NALF1: variants seen among roughly 807,000 people sequenced by gnomAD.
NALF1 encodes family with sequence similarity 155 member A.
A neutral mutation model predicts 48.4 loss-of-function variants in NALF1; 3 were observed. That is an observed-to-expected ratio of 0.06 (90% CI 0.03 to 0.16). The LOEUF (loss-of-function observed/expected upper bound fraction) is 0.16. Among genes scored for constraint, NALF1 ranks in the 10% least tolerant of loss-of-function variants. NALF1 has a pLI of 1.00. For missense variants in NALF1, 526 were observed against 571.5 expected (o/e 0.92, Z 0.81); for synonymous variants, 262 against 245.7 (o/e 1.07, Z -0.62).
chr13:107,705,825 T>G (rs1881934076), intron 1 of NALF1, among the ~76,000 whole-genome samples: 1 of 152,182 alleles, frequency 6.6e-6, no homozygotes, highest in Non-Finnish European at 1.5e-5. Context: ...TGTGCACATT[T>G]GGGAGGTTTC....
chr13:107,707,869 A>T (rs4113422), intron 1 of NALF1, among the ~76,000 whole-genome samples: 1 of 151,670 alleles, frequency 6.6e-6, no homozygotes, highest in Admixed American at 6.6e-5. Context: ...CTGATACTCT[A>T]TATTTTCTGT....
chr13:107,443,214 A>ATCTATCTATCTATCTC (rs1429983797), intron 1 of NALF1, among the ~76,000 whole-genome samples: 3 of 149,716 alleles, frequency 2.0e-5, no homozygotes, highest in African/African-American at 7.6e-5. Context: ...CTATCTATCT[A>ATCTATCTATCTATCTC]TCTATCGATA....
intron 2 of NALF1, among the ~76,000 whole-genome samples, chr13:107,172,828 A>T (rs1225555867): frequency 6.6e-6 from 1 of 152,222 alleles, no homozygotes; most frequent in Non-Finnish European, 1.5e-5. Context: ...TTAGGTAAAT[A>T]AGAAGCTCTT....
intron 1 of NALF1, among the ~76,000 whole-genome samples, chr13:107,560,888 A>T (rs1877626616): frequency 6.6e-6 from 1 of 152,238 alleles, no homozygotes; most frequent in African/African-American, 2.4e-5. Context: ...AAGAATGCTA[A>T]GAAATTATTT....
rs1446544434 is a variant in NALF1, at chr13:107,169,632, A to C, written c.*865T>G. 1.3e-5 allele frequency: 2 copies of C among 152,340 alleles called. No individual in the cohort carries two copies. The highest frequency in any genetic ancestry group is 4.8e-5 in the African/African-American group (2 of 41,454). 9.4% of individuals were successfully genotyped at this position (152,340 alleles called of 1,614,324 possible). On this transcript the variant is annotated 3_prime_UTR_variant, in exon 3 of 3. Transcript: ENST00000375915. ...GAACTGGAGCAATACAGTTCATGAT[A>C]GTTTTTTTTAATTTTTTCCTTTTAT...
chr13:107,614,052 G>A (rs972613001), intron 1 of NALF1, among the ~76,000 whole-genome samples: 21 of 152,166 alleles, frequency 1.4e-4, no homozygotes, highest in Admixed American at 1.4e-3. Context: ...GTGTTCATCT[G>A]TAATATTTCT....
At position 107,301,756 on chromosome 13, in the gene NALF1, A is replaced by G. The variant is rs540437521; in HGVS notation, c.916-91001T>C. Among the ~76,000 whole-genome samples the G allele has an allele frequency of 2.6e-3, 394 of 152,264 alleles. 2 individuals are homozygous for G. The highest frequency in any genetic ancestry group is 9.2e-3 in the African/African-American group (383 of 41,550). ...CTATAATGGTCTATATTTGATATGT[A>G]TTATTCTCACATATTTTGGAAAGTA... On this transcript the variant is annotated intron_variant, in intron 1 of 2. Transcript: ENST00000375915.
intron 1 of NALF1, among the ~76,000 whole-genome samples, chr13:107,553,123 A>G (rs1877346231): frequency 6.6e-6 from 1 of 152,200 alleles, no homozygotes; most frequent in Admixed American, 6.5e-5. Flanking sequence ...AGATAAAAAA[A>G]GCTGAAATGG....
At chr13:107,188,511 T>C (rs1029374139) in intron 2 of NALF1, among the ~76,000 whole-genome samples, 11 of 152,284 alleles carry the variant, frequency 7.2e-5, no homozygotes, top group African/African-American at 2.4e-4. Context: ...ATTTTTATCA[T>C]ATCTTTTTAA....
chr13:107,500,279 AT>A lies in NALF1; in HGVS notation c.916-289525del, dbSNP rs199729645. ...ACTGGGTAACAAATAAAGAATAGAA[AT>A]TTTTTTTTAATAGTTCTGGAGGTCA... On this transcript the variant is annotated intron_variant, in intron 1 of 2. Coordinates refer to ENST00000375915, the MANE Select transcript of NALF1 (RefSeq NM_001080396.3). 1.4e-3 allele frequency among the ~76,000 whole-genome samples: 220 copies of A among 151,952 alleles called. 1 individual carries two copies. Among genetic ancestry groups the A allele is most frequent in the Admixed American group, 6.1e-3 (93 of 15,232 alleles).
At chr13:107,655,513 C>T (rs1880553752) in intron 1 of NALF1, among the ~76,000 whole-genome samples, 1 of 151,990 alleles carries the variant, frequency 6.6e-6, no homozygotes, top group Admixed American at 6.6e-5. Context: ...TCATAGACAA[C>T]ACAAACAAAT....
intron 1 of NALF1, among the ~76,000 whole-genome samples, chr13:107,340,516 T>TTCTC (rs1204587483): frequency 7.4e-6 from 1 of 135,794 alleles, no homozygotes; most frequent in African/African-American, 2.9e-5. Context: ...TTTTCTTTCT[T>TTCTC]TCTCTCTCTT....
intron 1 of NALF1, among the ~76,000 whole-genome samples, chr13:107,275,362 GT>G (rs1440483111): frequency 6.6e-6 from 1 of 152,122 alleles, no homozygotes; most frequent in Non-Finnish European, 1.5e-5. Flanking sequence ...ACTGTCATCT[GT>G]CCTGGTGAGA....
At chr13:107,825,544 G>C (rs893693412) in intron 1 of NALF1, among the ~76,000 whole-genome samples, 3 of 152,164 alleles carry the variant, frequency 2.0e-5, no homozygotes, top group East Asian at 1.9e-4. Flanking sequence ...ACTTCACAGA[G>C]AGCATTCGCT....
At chr13:107,517,766 C>A (rs1422875039) in intron 1 of NALF1, among the ~76,000 whole-genome samples, 1 of 152,040 alleles carries the variant, frequency 6.6e-6, no homozygotes, top group Admixed American at 6.6e-5. Flanking sequence ...ACCAGCCTGG[C>A]CAATGTGGCG....
chr13:107,359,327 T>C (rs960980542), intron 1 of NALF1, among the ~76,000 whole-genome samples: 3 of 152,098 alleles, frequency 2.0e-5, no homozygotes, highest in Non-Finnish European at 2.9e-5. Context: ...CATGTCTTTT[T>C]ACCAGACTCT....
intron 1 of NALF1, among the ~76,000 whole-genome samples, chr13:107,749,176 G>A (rs528292044): frequency 1.3e-5 from 2 of 150,454 alleles, no homozygotes; most frequent in East Asian, 3.9e-4. Flanking sequence ...CTACGTGTCT[G>A]TGTGTCACAT....
intron 1 of NALF1, among the ~76,000 whole-genome samples, chr13:107,281,518 G>T (rs1253842421): frequency 6.6e-6 from 1 of 152,134 alleles, no homozygotes; most frequent in Non-Finnish European, 1.5e-5. Flanking sequence ...AAAAGAAATA[G>T]AACACAGGGG....
At chr13:107,786,283 G>A (rs1437480258) in intron 1 of NALF1, among the ~76,000 whole-genome samples, 1 of 151,794 alleles carries the variant, frequency 6.6e-6, no homozygotes, top group Non-Finnish European at 1.5e-5. Context: ...GAGCGTGGTG[G>A]TGCATGCCTG....
Sources: gnomAD v4.1 joint callset for allele counts (sites outside exome capture counted in the v4.1 genomes callset) on GRCh38, gnomAD v4.1.1 for gene constraint, MANE v1.5 for transcripts, NCBI Gene and HGNC (gene_info 2026-07-23, HGNC 2026-07-21) for gene names.